Variants in IL1R2 observed in about 807,000 individuals in gnomAD.
IL1R2 encodes interleukin 1 receptor type 2.
A neutral mutation model predicts 39.5 loss-of-function variants in IL1R2; 46 were observed. That is an observed-to-expected ratio of 1.16 (90% CI 0.92 to 1.49). The LOEUF is 1.49. Ranked by LOEUF, IL1R2 falls within the 40% of genes most tolerant of loss-of-function variation. The pLI is 0.00. For synonymous variants in IL1R2, 207 were observed against 189.6 expected, an observed-to-expected ratio of 1.09 and a Z score of -0.75; for missense variants, 537 against 502.0, an observed-to-expected ratio of 1.07 and a Z score of -0.67.
In IL1R2 at chr2:102,009,316, A is replaced by G. The variant is rs566553672; in HGVS notation, c.68-246A>G. Among the ~76,000 whole-genome samples, 117 of 152,348 alleles carry G rather than the reference A, an allele frequency of 7.7e-4. 1 individual carries two copies. The highest frequency in any genetic ancestry group is 2.7e-3 in the Admixed American group (42 of 15,306). ...CCTGATTTAACTTTCTTCACAAAAC[A>G]TAAGTTGGAATGGATAGTAGCACTG... On this transcript the variant is annotated intron_variant, in intron 2 of 8. Coordinates refer to ENST00000332549, the MANE Select transcript of IL1R2 (RefSeq NM_004633.4).
In IL1R2 at chr2:101,998,950, C is replaced by T. The variant is rs532502325; in HGVS notation, c.-62+6939C>T. 9.9e-4 allele frequency: 151 copies of T among 152,446 alleles called. 3 individuals are homozygous for T. Among genetic ancestry groups the T allele is most frequent in the Middle Eastern group, 3.4e-3 (1 of 294 alleles). The allele number at this position is 152,446 out of a possible 1,614,324, so 9.4% of individuals were successfully genotyped here. A position where few individuals can be genotyped will look rare whatever the true frequency, so the allele number is the denominator to read the frequency against. ...CATTCAAGGGAGGTGAGTTAGACTC[C>T]ACCTCTTGGTGGCAGAGTGGCACAG... On this transcript the variant is annotated intron_variant, in intron 1 of 8. Coordinates refer to ENST00000332549, the MANE Select transcript of IL1R2 (RefSeq NM_004633.4).
intron 7 of IL1R2, 87 bp from the exon 8 acceptor site, chr2:102,026,024 T>C: frequency 9.4e-7 from 1 of 1,067,918 alleles, no homozygotes; most frequent in Non-Finnish European, 1.4e-6. Context: ...TGGGTACTTC[T>C]AAAGGAGAGT....
At chr2:102,008,475 G>T (rs916556442) in intron 1 of IL1R2, 40 bp from the exon 2 acceptor site, 1 of 872,960 alleles carries the variant, frequency 1.1e-6, no homozygotes, top group East Asian at 2.4e-5. Flanking sequence ...CTCTCTGCAG[G>T]GTTCTTGGTT....
intron 1 of IL1R2, among the ~76,000 whole-genome samples, chr2:101,999,433 C>G (rs1675740386): frequency 6.6e-6 from 1 of 152,238 alleles, no homozygotes; most frequent in South Asian, 2.1e-4. Context: ...CCTCAGAAGT[C>G]CCGAGTTGTG....
At chr2:102,011,657 C>T (rs1191900750) in intron 3 of IL1R2, among the ~76,000 whole-genome samples, 4 of 152,156 alleles carry the variant, frequency 2.6e-5, no homozygotes, top group Admixed American at 1.3e-4. Context: ...TAACCCCTTG[C>T]CTTATCAGAT....
intron 4 of IL1R2, among the ~76,000 whole-genome samples, chr2:102,017,745 C>G (rs945826816): frequency 6.8e-6 from 1 of 146,670 alleles, no homozygotes; most frequent in Admixed American, 6.7e-5. Flanking sequence ...CTGGACACAG[C>G]CACATCCTCT....
chr2:102,023,923 G>A (rs1677553671), intron 6 of IL1R2, among the ~76,000 whole-genome samples: 1 of 152,050 alleles, frequency 6.6e-6, no homozygotes, highest in African/African-American at 2.4e-5. Flanking sequence ...GGTGGCGGGT[G>A]CCCGGGTCCC....
intron 3 of IL1R2, among the ~76,000 whole-genome samples, chr2:102,014,093 T>A (rs1163766834): frequency 6.6e-6 from 1 of 152,140 alleles, no homozygotes; most frequent in Non-Finnish European, 1.5e-5. Flanking sequence ...AATTACCAGA[T>A]CAATAATGTG....
chr2:101,995,019 C>G (rs1164475287), intron 1 of IL1R2, among the ~76,000 whole-genome samples: 1 of 152,186 alleles, frequency 6.6e-6, no homozygotes, highest in African/African-American at 2.4e-5. Context: ...GTATAATTCC[C>G]TCCTTGTGGG....
chr2:101,995,207 G>T (rs986561764), intron 1 of IL1R2, among the ~76,000 whole-genome samples: 1 of 152,332 alleles, frequency 6.6e-6, no homozygotes, highest in East Asian at 1.9e-4. Flanking sequence ...TACATGTGCT[G>T]GGTGGGCCTG....
intron 3 of IL1R2, among the ~76,000 whole-genome samples, chr2:102,014,947 A>AAATAAT (rs60026295): frequency 0.11 from 15,976 of 141,382 alleles, 1,208 homozygotes; most frequent in Non-Finnish European, 0.16. Flanking sequence ...TAGGCTAGTA[A>AAATAAT]AATAATAATA....
intron 6 of IL1R2, among the ~76,000 whole-genome samples, chr2:102,023,158 C>T (rs988407514): frequency 6.6e-6 from 1 of 152,220 alleles, no homozygotes; most frequent in East Asian, 1.9e-4. Flanking sequence ...TTTTAAAAAA[C>T]AATTTATTTG....
At position 102,015,147 on chromosome 2, in the gene IL1R2, C is replaced by T. The variant is rs952186706; in HGVS notation, c.333-724C>T. Among the ~76,000 whole-genome samples the T allele has an allele frequency of 2.6e-5, 4 of 152,148 alleles. No individual in the cohort carries two copies. In the East Asian group the frequency reaches 5.8e-4, roughly 22 times the overall value. ...ATTCCTTTTTACGGAAACAATGGCT[C>T]TTGGGAAACAATCTCTGCATGTGGA... On this transcript the variant is annotated intron_variant, in intron 3 of 8. Transcript: ENST00000332549.
In IL1R2 at chr2:102,019,761, C is replaced by T. The variant is rs1285373959; in HGVS notation, c.637C>T (p.His213Tyr). Residue 213 changes from histidine to tyrosine, a missense_variant, in exon 5 of 9, where the codon CAT becomes TAT. Physicochemically the swap from His to Tyr is moderately conservative, Grantham distance 83. Coordinates refer to ENST00000332549, the MANE Select transcript of IL1R2 (RefSeq NM_004633.4). ...GYYRCVLTFA[H>Y]EGQQYNITRS... is the part of the protein sequence containing the mutation. ...TTACCGCTGTGTCCTGACATTTGCC[C>T]ATGAAGGCCAGCAATACAACATCAC... 3.3e-5 allele frequency: 53 copies of T among 1,614,038 alleles called. No individual in the cohort carries two copies. Among genetic ancestry groups the T allele is most frequent in the Non-Finnish European group, 4.2e-5 (50 of 1,180,036 alleles).
At position 102,028,386 on chromosome 2, in the gene IL1R2, C is replaced by T; in HGVS notation, c.1191C>T (p.Pro397=). 1.3e-6 allele frequency: 2 copies of T among 1,591,030 alleles called. No homozygotes were observed. The highest frequency in any genetic ancestry group is 1.7e-6 in the Non-Finnish European group (2 of 1,166,956). Residue 397 remains proline (P), a synonymous_variant, in exon 9 of 9, where the codon CCC becomes CCT. Transcript: ENST00000332549. ...ATCATCAAGACTTTCAATCCTATCC[C>T]AAGTGAAATAAATGGAATGAAATAA... is the stretch of plus-strand genomic sequence containing the variant. ...WPHHQDFQSY[P]K
chr2:102,022,354 G>T, intron 6 of IL1R2, 105 bp downstream of exon 6: 1 of 907,270 alleles, frequency 1.1e-6, no homozygotes, highest in South Asian at 1.4e-5. Flanking sequence ...CCTGCTCCTT[G>T]GGTGCAATGT....
chr2:102,009,501 G>C (rs1676478762), intron 2 of IL1R2, 61 bp from the exon 3 acceptor site: 2 of 1,562,614 alleles, frequency 1.3e-6, no homozygotes, highest in African/African-American at 2.7e-5. Flanking sequence ...GGTGCAGGGA[G>C]GTTTTATGAT....
chr2:101,999,708 T>C (rs1289294798), intron 1 of IL1R2, among the ~76,000 whole-genome samples: 2 of 152,178 alleles, frequency 1.3e-5, no homozygotes, highest in South Asian at 2.1e-4. Flanking sequence ...TAAGATCACA[T>C]AGTTAGTTAA....
chr2:102,028,231 T>A lies in IL1R2; in HGVS notation c.1036T>A (p.Ser346Thr), dbSNP rs28362316. The change falls in exon 9 of 9, where the codon TCC becomes ACC. Residue 346 changes from serine to threonine, a missense_variant. By Grantham distance (58) the Ser-to-Thr change is moderately conservative. Coordinates refer to ENST00000332549, the MANE Select transcript of IL1R2 (RefSeq NM_004633.4). Reference protein sequence around the residue: ...TLRTTVKEASSTFSWGIVLAP... With the variant: ...TLRTTVKEASTTFSWGIVLAP... ...TGACTCTGTTCTTCCCACAGCCTCC[T>A]CCACGTTCTCCTGGGGCATTGTGCT... 1.2e-6 allele frequency: 2 copies of A among 1,607,448 alleles called. No homozygotes were observed. Among genetic ancestry groups the A allele is most frequent in the East Asian group, 4.5e-5 (2 of 44,776 alleles).
Sources: gnomAD v4.1 joint callset for allele counts (sites outside exome capture counted in the v4.1 genomes callset) on GRCh38, gnomAD v4.1.1 for gene constraint, MANE v1.5 for transcripts, NCBI Gene and HGNC (gene_info 2026-07-23, HGNC 2026-07-21) for gene names.